Variants in HK3 observed in about 807,000 individuals in gnomAD.
HK3 encodes hexokinase-3.
Under a neutral mutation model 91.0 loss-of-function variants are expected in HK3, and 93 were observed. The ratio of observed to expected loss-of-function variants is 1.02; its 90% CI spans 0.86 to 1.21. The LOEUF is 1.21. Among genes scored for constraint, HK3 ranks in the 50% most tolerant of loss-of-function variants. HK3 has a pLI of 0.00. For missense variants in HK3, 1,235 were observed against 1,247.4 expected (o/e 0.99, Z 0.15); for synonymous variants, 519 against 516.9 (o/e 1.00, Z -0.06).
rs562226289 is a variant in HK3 at position 176,881,968 on chromosome 5, G to T, written c.2213C>A (p.Ala738Glu). 4 of 1,613,578 alleles carry T rather than the reference G, an allele frequency of 2.5e-6. No homozygotes were observed. In the East Asian group the frequency reaches 8.9e-5, roughly 36 times the overall value. ...STRFDASVDQ[A>E]SINPGKQRFE... ...CCTCTGCTTGCCGGGGTTGATGGAC[G>T]CCTGGTCCACACTTGCATCAAAGCG... The change falls in exon 16 of 19, where the codon GCG becomes GAG. Residue 738 changes from alanine to glutamate, a missense_variant. Ala to Glu is a moderately radical substitution (Grantham distance 107). Around this residue, in one of 3 missense-constraint regions of HK3, gnomAD observed 513 missense variants for 477.4 expected, o/e 1.07. Transcript: ENST00000292432.
chr5:176,897,923 C>A (rs1758945753), intron 1 of HK3, among the ~76,000 whole-genome samples: 1 of 152,220 alleles, frequency 6.6e-6, no homozygotes, highest in East Asian at 1.9e-4. Context: ...TCAAATTCAA[C>A]AAAGCCATAC....
chr5:176,881,212 G>A lies in HK3; in HGVS notation c.2633C>T (p.Ser878Phe), dbSNP rs1054847748. The A allele has an allele frequency of 6.2e-7, 1 of 1,613,074 alleles. No individual in the cohort carries two copies. The highest frequency in any genetic ancestry group is 8.5e-7 in the Non-Finnish European group (1 of 1,179,942). ...CCGCACTGTGGCCGCCACCAGGCTG[G>A]AGAAGCTGTGAGAGGAGGGCTGAGG... ...GTLYKLHPRF[S>F]SLVAATVREL... The change falls in exon 19 of 19, where the codon TCC (serine) becomes TTC (phenylalanine). Residue 878 changes from serine (S) to phenylalanine (F), a missense_variant. Coordinates refer to ENST00000292432, the MANE Select transcript of HK3 (RefSeq NM_002115.3).
At chr5:176,888,111 C>A (rs1459685529) in intron 10 of HK3, among the ~76,000 whole-genome samples, 5 of 152,120 alleles carry the variant, frequency 3.3e-5, no homozygotes, top group Non-Finnish European at 1.5e-5. Context: ...CAGCCATACG[C>A]CCCCGTGTCG....
intron 13 of HK3, among the ~76,000 whole-genome samples, chr5:176,886,417 A>G (rs951723118): frequency 1.2e-4 from 18 of 151,610 alleles, no homozygotes; most frequent in African/African-American, 4.4e-4. Context: ...GAAGTTGGGT[A>G]TGTTGAAAGG....
chr5:176,883,848 C>T lies in HK3; in HGVS notation c.1975G>A (p.Ala659Thr), dbSNP rs138002696. ...RRQAVELNVVAIVNDTVGTMM... is the reference protein window; with the variant it reads ...RRQAVELNVVTIVNDTVGTMM... ...GTCCCCACCGTGTCATTGACAATGG[C>T]AACCACATTCAGCTCCACTGCCTGC... is the stretch of plus-strand genomic sequence containing the variant. Residue 659 changes from alanine to threonine, a missense_variant, in exon 15 of 19, where the codon GCC becomes ACC. Coordinates refer to ENST00000292432, the MANE Select transcript of HK3 (RefSeq NM_002115.3). The T allele has an allele frequency of 3.1e-5, 50 of 1,614,090 alleles. No homozygotes were observed. Among genetic ancestry groups the T allele is most frequent in the East Asian group, 4.5e-5 (2 of 44,884 alleles).
Position 176,880,942 on chromosome 5 carries a change from A to G in HK3, c.*131T>C. ...CAGGGAAAGCCAGGGAGCAAGGCCA[A>G]ATGGCCGCAGAGGGGTCACACATGG... On this transcript the variant is annotated 3_prime_UTR_variant, in exon 19 of 19. Transcript: ENST00000292432. 1 of 1,033,332 alleles carries G rather than the reference A, an allele frequency of 9.7e-7. No homozygotes were observed. Among genetic ancestry groups the G allele is most frequent in the African/African-American group, 1.6e-5 (1 of 62,176 alleles). The allele number at this position is 1,033,332 out of a possible 1,614,324, so 64.0% of individuals were successfully genotyped here.
rs1206360222 is a variant in HK3, at chr5:176,887,215, C to T, written c.1723G>A (p.Gly575Ser). ...IYSIPETVAQ[G>S]SGQQLFDHIV... ...GCTGTGGGTACCTGCTGCCCAGAAC[C>T]CTGGGCCACAGTCTCGGGAATGGAG... The change falls in exon 12 of 19, where the codon GGT (glycine) becomes AGT (serine). Residue 575 changes from glycine (G) to serine (S), a missense_variant. Coordinates refer to ENST00000292432, the MANE Select transcript of HK3 (RefSeq NM_002115.3). This position sits in a 1 kb window ranked among gnomAD's most constrained non-coding sequence, Gnocchi z 4.9. The T allele has an allele frequency of 1.9e-6, 3 of 1,614,174 alleles. No individual in the cohort carries two copies. Among genetic ancestry groups the T allele is most frequent in the Admixed American group, 1.7e-5 (1 of 60,036 alleles).
intron 8 of HK3, 121 bp from the exon 9 acceptor site, chr5:176,888,985 G>A (rs1758684053): frequency 8.6e-7 from 1 of 1,156,176 alleles, no homozygotes; most frequent in East Asian, 2.5e-5. Context: ...GGAGACTCCA[G>A]AAGCAACGAA....
rs531488974 is a variant in HK3, at chr5:176,889,332, G to T, written c.914+49C>A. 73 of 1,583,584 alleles carry T rather than the reference G, an allele frequency of 4.6e-5. 1 individual carries two copies. The South Asian group carries it at 7.8e-4, about 17-fold the overall frequency. On this transcript the variant is annotated intron_variant, in intron 8 of 18. Coordinates refer to ENST00000292432, the MANE Select transcript of HK3 (RefSeq NM_002115.3). The stretch of plus-strand genomic sequence containing the variant: ...GACAGAAGGGGTTGGGAGCAGAGCA[G>T]TCATAGACAGGGCCTGGAACCAAAG...
chr5:176,898,418 T>C (rs1758959134), intron 1 of HK3, among the ~76,000 whole-genome samples: 1 of 152,214 alleles, frequency 6.6e-6, no homozygotes, highest in Non-Finnish European at 1.5e-5. Flanking sequence ...ATTCTTGTTC[T>C]ATGCTGCAGG....
chr5:176,889,884 T>C, intron 6 of HK3, 140 bp from the exon 7 acceptor site: 2 of 686,012 alleles, frequency 2.9e-6, no homozygotes, highest in Non-Finnish European at 5.1e-6. Flanking sequence ...CCACACACAT[T>C]TGTGCCACAG....
chr5:176,889,262 A>G, intron 8 of HK3, 119 bp downstream of exon 8: 1 of 1,149,436 alleles, frequency 8.7e-7, no homozygotes, highest in Admixed American at 2.3e-5. Flanking sequence ...TGCTCCCTGG[A>G]GACCCTCAGA....
At position 176,890,944 on chromosome 5, in the gene HK3, G is replaced by A; in HGVS notation, c.415-3C>T. On this transcript the variant is annotated splice_polypyrimidine_tract_variant and splice_region_variant and intron_variant, in intron 4 of 18. Coordinates refer to ENST00000292432, the MANE Select transcript of HK3 (RefSeq NM_002115.3). The stretch of plus-strand genomic sequence containing the variant: ...CAGTGGGCAGCAAAGTCAAAGAGCT[G>A]CAGGAGAAGTGGGGGGGCTCAGCCT... 6.2e-7 allele frequency: 1 copy of A among 1,614,072 alleles called. No individual in the cohort carries two copies. Among genetic ancestry groups the A allele is most frequent in the African/African-American group, 1.3e-5 (1 of 75,058 alleles).
rs200304310 is a variant in HK3 at position 176,881,959 on chromosome 5, T to G, written c.2222A>C (p.Asn741Thr). 6.2e-7 allele frequency: 1 copy of G among 1,613,492 alleles called. No homozygotes were observed. The highest frequency in any genetic ancestry group is 2.2e-5 in the East Asian group (1 of 44,826). ...CAGCCCACACCTCTGCTTGCCGGGG[T>G]TGATGGACGCCTGGTCCACACTTGC... ...FDASVDQASI[N>T]PGKQRFEKMI... is the part of the protein sequence containing the mutation. Residue 741 changes from asparagine (N) to threonine (T), a missense_variant, in exon 16 of 19, where the codon AAC (asparagine) becomes ACC (threonine). Physicochemically the swap from Asn to Thr is moderately conservative, Grantham distance 65 (BLOSUM62 0). Around this residue, in one of 3 missense-constraint regions of HK3, gnomAD observed 513 missense variants for 477.4 expected, o/e 1.07. Transcript: ENST00000292432.
At position 176,881,508 on chromosome 5, in the gene HK3, T is replaced by TC. The variant is rs1299736444; in HGVS notation, c.2420dup (p.Ala808SerfsTer14). 6.2e-7 allele frequency: 1 copy of TC among 1,604,546 alleles called. No homozygotes were observed. Among genetic ancestry groups the TC allele is most frequent in the South Asian group, 1.1e-5 (1 of 91,022 alleles). ...GTAGCCCCAGATCCTCTAGGATGGC[T>TC]CGGACCTGCCGCAGGGCCAGGCTGT... On this transcript the variant is annotated frameshift_variant, in exon 18 of 19. Transcript: ENST00000292432. LOFTEE classifies it high-confidence loss of function.
At chr5:176,896,561 T>A (rs1030948635) in intron 1 of HK3, among the ~76,000 whole-genome samples, 1 of 152,200 alleles carries the variant, frequency 6.6e-6, no homozygotes, top group African/African-American at 2.4e-5. Flanking sequence ...GCACAGGCAG[T>A]GAGCAAGATG....
Position 176,881,316 on chromosome 5 carries a change from G to C in HK3, c.2613C>G (p.Tyr871Ter). ...CCCAGACTCACCGCGGGTGCAGCTT[G>C]TAGAGCGTTCCATCCACCCCCACAG... is the stretch of plus-strand genomic sequence containing the variant. ...AVSVGVDGTL[Y>*]KLHPRFSSLV... The change falls in exon 18 of 19, where the codon TAC (tyrosine) becomes TAG (stop). Residue 871 changes from tyrosine (Y) to a stop codon, truncating the protein, a stop_gained. Coordinates refer to ENST00000292432, the MANE Select transcript of HK3 (RefSeq NM_002115.3). LOFTEE classifies it high-confidence loss of function. The C allele has an allele frequency of 6.2e-7, 1 of 1,613,882 alleles. No homozygotes were observed. Among genetic ancestry groups the C allele is most frequent in the South Asian group, 1.1e-5 (1 of 91,076 alleles).
At chr5:176,882,580 G>A (rs7716812) in intron 15 of HK3, among the ~76,000 whole-genome samples, 1 of 152,148 alleles carries the variant, frequency 6.6e-6, no homozygotes, top group Non-Finnish European at 1.5e-5. Context: ...TCTGGCCAGA[G>A]GTCAGGCAAT....
At position 176,887,198 on chromosome 5, in the gene HK3, T is replaced by C; in HGVS notation, c.1737+3A>G. On this transcript the variant is annotated splice_donor_region_variant and intron_variant, in intron 12 of 18. Transcript: ENST00000292432. The surrounding 1 kb of genome is among the most constrained non-coding windows in gnomAD (Gnocchi z 4.9). ...CTGACATCAAGGTTCAGGCTGTGGG[T>C]ACCTGCTGCCCAGAACCCTGGGCCA... 1 of 1,614,094 alleles carries C rather than the reference T, an allele frequency of 6.2e-7. No homozygotes were observed. Among genetic ancestry groups the C allele is most frequent in the East Asian group, 2.2e-5 (1 of 44,874 alleles).
Sources: gnomAD v4.1 joint callset for allele counts (sites outside exome capture counted in the v4.1 genomes callset) on GRCh38, gnomAD v4.1.1 for gene constraint, gnomAD v4.1.1 regional missense constraint, Gnocchi (gnomAD v3.1) non-coding constraint, MANE v1.5 for transcripts, NCBI Gene and HGNC (gene_info 2026-07-23, HGNC 2026-07-21) for gene names.